Variants in CDC42BPB observed in about 807,000 individuals in gnomAD.
The protein encoded by CDC42BPB is serine/threonine-protein kinase MRCK beta.
In CDC42BPB, 37 loss-of-function variants were observed where a neutral mutation model predicts 214.9. The ratio of observed to expected loss-of-function variants is 0.17; its 90% confidence interval spans 0.13 to 0.23. The LOEUF is 0.23. Among genes scored for constraint, CDC42BPB ranks in the 10% least tolerant of loss-of-function variants. The probability of loss-of-function intolerance (pLI) is 1.00; values close to 1 mark genes in which losing one functional copy is unlikely to be tolerated. For missense variants in CDC42BPB, 1,694 were observed against 2,227.0 expected, an observed-to-expected ratio of 0.76 and a Z score of 4.82; for synonymous variants, 931 against 884.0, an observed-to-expected ratio of 1.05 and a Z score of -0.94.
At position 102,946,425 on chromosome 14, in the gene CDC42BPB, C is replaced by T. The variant is rs778341402; in HGVS notation, c.3748+43G>A. 1.0e-5 allele frequency: 16 copies of T among 1,606,390 alleles called. 1 individual carries two copies. The highest frequency in any genetic ancestry group is 2.7e-5 in the African/African-American group (2 of 74,804). ...GGGCACTGCAGCGCCGCCGGAAGTG[C>T]TGTTGCTTCAGACACCTGAAGGACA... On this transcript the variant is annotated intron_variant, in intron 28 of 36. Transcript: ENST00000361246.
chr14:102,959,536 G>T, intron 21 of CDC42BPB, 95 bp downstream of exon 21: 1 of 791,736 alleles, frequency 1.3e-6, no homozygotes, highest in Non-Finnish European at 2.1e-6. Flanking sequence ...ATTTACTGGT[G>T]TGTTTGTGGC....
chr14:103,016,473 G>GCAGGTGAGGGTAGGGAAC (rs1886467491), intron 1 of CDC42BPB, among the ~76,000 whole-genome samples: 1 of 81,614 alleles, frequency 1.2e-5, no homozygotes, highest in Non-Finnish European at 2.7e-5. Flanking sequence ...TGCCGGTGAA[G>GCAGGTGAGGGTAGGGAAC]CAGGTGAGGG....
chr14:102,968,539 G>T lies in CDC42BPB; in HGVS notation c.2173C>A (p.His725Asn), dbSNP rs1158031130. The stretch of plus-strand genomic sequence containing the variant: ...ATTTCTTTCTGCAGGGCCAGCTGGT[G>T]GCTTTCTGAATCATGCACCTCCTTC... ...VKKEVHDSESHQLALQKEILM... is the reference protein window; with the variant it reads ...VKKEVHDSESNQLALQKEILM... The change falls in exon 15 of 37, where the codon CAC becomes AAC. Residue 725 changes from histidine (H) to asparagine (N), a missense_variant. Around this residue, in one of 7 missense-constraint regions of CDC42BPB, gnomAD observed 462 missense variants for 513.5 expected, o/e 0.90. Transcript: ENST00000361246. 1 of 1,614,120 alleles carries T rather than the reference G, an allele frequency of 6.2e-7. No individual in the cohort carries two copies. The highest frequency in any genetic ancestry group is 1.1e-5 in the South Asian group (1 of 91,072).
At position 102,983,607 on chromosome 14, in the gene CDC42BPB, C is replaced by A. The variant is rs199956252; in HGVS notation, c.840G>T (p.Pro280=). ...CMYEMLYGET[P]FYAESLVETY... ...TCTCCACGAGTGACTCCGCATAAAA[C>A]GGCGTTTCTCCATAGAGCATCTCAT... The change falls in exon 7 of 37, where the codon CCG becomes CCT. Residue 280 remains proline (P), a synonymous_variant. Coordinates refer to ENST00000361246, the MANE Select transcript of CDC42BPB (RefSeq NM_006035.4). The A allele has an allele frequency of 1.2e-6, 2 of 1,612,400 alleles. No individual in the cohort carries two copies. The highest frequency in any genetic ancestry group is 1.7e-6 in the Non-Finnish European group (2 of 1,179,990).
intron 1 of CDC42BPB, among the ~76,000 whole-genome samples, chr14:103,013,993 G>A (rs999603238): frequency 1.3e-5 from 2 of 152,104 alleles, no homozygotes; most frequent in Non-Finnish European, 2.9e-5. Context: ...GTGAAACCCT[G>A]TCTCTACTAA....
chr14:103,053,465 A>C (rs1287676942), intron 1 of CDC42BPB, among the ~76,000 whole-genome samples: 2 of 151,436 alleles, frequency 1.3e-5, no homozygotes, highest in Admixed American at 6.6e-5. Flanking sequence ...CCTACAATGA[A>C]AGTTGAAATG....
At chr14:102,963,622 G>A (rs1323290326) in intron 19 of CDC42BPB, among the ~76,000 whole-genome samples, 2 of 152,218 alleles carry the variant, frequency 1.3e-5, no homozygotes, top group African/African-American at 4.8e-5. Flanking sequence ...GGGAACACCT[G>A]GCCGGGAGGG....
chr14:103,019,690 G>A (rs1003717914), intron 1 of CDC42BPB, among the ~76,000 whole-genome samples: 4 of 152,182 alleles, frequency 2.6e-5, no homozygotes, highest in Admixed American at 6.5e-5. Flanking sequence ...CATCCAAAAG[G>A]CTGAATAAAG....
intron 1 of CDC42BPB, among the ~76,000 whole-genome samples, chr14:103,025,747 G>A (rs1887015596): frequency 6.6e-6 from 1 of 151,338 alleles, no homozygotes; most frequent in South Asian, 2.1e-4. Context: ...GAACCCAGGA[G>A]GCAGAGGTTG....
intron 1 of CDC42BPB, among the ~76,000 whole-genome samples, chr14:103,023,113 T>C (rs1349037142): frequency 6.6e-6 from 1 of 151,610 alleles, no homozygotes; most frequent in Non-Finnish European, 1.5e-5. Context: ...GCTCAAGTGA[T>C]TCTCCCCTCA....
At chr14:102,952,941 G>A (rs916606603) in intron 23 of CDC42BPB, among the ~76,000 whole-genome samples, 19 of 152,242 alleles carry the variant, frequency 1.2e-4, no homozygotes, top group African/African-American at 4.3e-4. Context: ...GCACCAACTG[G>A]CTCTTGGGGG....
At chr14:102,969,196 G>C (rs1893360373) in intron 14 of CDC42BPB, among the ~76,000 whole-genome samples, 1 of 152,258 alleles carries the variant, frequency 6.6e-6, no homozygotes, top group Non-Finnish European at 1.5e-5. Flanking sequence ...GAGGTGTCAG[G>C]CTAGGGGCAA....
intron 36 of CDC42BPB, among the ~76,000 whole-genome samples, chr14:102,936,223 A>G (rs553742055): frequency 1.2e-4 from 19 of 152,374 alleles, no homozygotes; most frequent in South Asian, 4.1e-4. Flanking sequence ...GAATTACCAC[A>G]TAAATCCAGC....
intron 1 of CDC42BPB, among the ~76,000 whole-genome samples, chr14:103,053,535 G>A (rs1015704245): frequency 6.6e-6 from 1 of 151,868 alleles, no homozygotes; most frequent in South Asian, 2.1e-4. Context: ...GCCAAGGGGG[G>A]CAGATCACGA....
intron 36 of CDC42BPB, among the ~76,000 whole-genome samples, chr14:102,935,992 C>T (rs1388785896): frequency 6.6e-6 from 1 of 152,080 alleles, no homozygotes; most frequent in East Asian, 1.9e-4. Context: ...GGCCAACAAG[C>T]ATATGAAAAG....
intron 1 of CDC42BPB, among the ~76,000 whole-genome samples, chr14:103,029,709 A>T (rs1887250132): frequency 1.3e-5 from 2 of 151,246 alleles, no homozygotes; most frequent in East Asian, 2.0e-4. Flanking sequence ...ACAAAAAAAA[A>T]TTAGCTGTGT....
intron 21 of CDC42BPB, among the ~76,000 whole-genome samples, chr14:102,957,570 A>G (rs1892767706): frequency 6.6e-6 from 1 of 152,254 alleles, no homozygotes; most frequent in Non-Finnish European, 1.5e-5. Flanking sequence ...CTTACCGGTT[A>G]AATAGATTTG....
Position 102,958,117 on chromosome 14 carries a change from C to T in CDC42BPB, c.2901+1514G>A, listed in dbSNP as rs984222381. Among the ~76,000 whole-genome samples the T allele has an allele frequency of 3.3e-5, 5 of 152,134 alleles. No homozygotes were observed. The South Asian group carries it at 1.0e-3, about 32-fold the overall frequency. On this transcript the variant is annotated intron_variant, in intron 21 of 36. Coordinates refer to ENST00000361246, the MANE Select transcript of CDC42BPB (RefSeq NM_006035.4). The stretch of plus-strand genomic sequence containing the variant: ...GCGATTCATGACCTCCAGATGGATC[C>T]AGAACTAGGAGGAAAAGCCAGCAGG...
intron 1 of CDC42BPB, among the ~76,000 whole-genome samples, chr14:103,043,078 G>A (rs549105017): frequency 9.2e-5 from 14 of 152,222 alleles, no homozygotes; most frequent in East Asian, 1.9e-4. Flanking sequence ...CCAACTAGGC[G>A]GCCAAAAGCC....
Sources: allele counts gnomAD v4.1 joint callset (sites outside exome capture counted in the v4.1 genomes callset), GRCh38; gene constraint gnomAD v4.1.1; regional missense constraint gnomAD v4.1.1; transcripts MANE v1.5; gene names NCBI Gene and HGNC (gene_info 2026-07-23, HGNC 2026-07-21).